The following MLYCD variants were observed in gnomAD, a reference collection of about 807,000 sequenced individuals.
The protein encoded by MLYCD is malonyl-CoA decarboxylase, mitochondrial.
Under a neutral mutation model 35.8 loss-of-function variants are expected in MLYCD, and 27 were observed. The ratio of observed to expected loss-of-function variants is 0.75; its 90% confidence interval spans 0.56 to 1.04. The LOEUF (loss-of-function observed/expected upper bound fraction) is 1.04, where lower values mean the gene tolerates loss of function less well. MLYCD is among the 50% of genes least tolerant of loss of function. The probability of loss-of-function intolerance (pLI) is 0.00; values close to 1 mark genes in which losing one functional copy is unlikely to be tolerated. For synonymous variants in MLYCD, 403 were observed against 302.4 expected (o/e 1.33, Z -3.45); for missense variants, 917 against 665.1 (o/e 1.38, Z -4.17).
rs375981938 is a variant in MLYCD at position 83,915,295 on chromosome 16, C to G, written c.1288C>G (p.Leu430Val). 6.2e-7 allele frequency: 1 copy of G among 1,613,728 alleles called. No homozygotes were observed. Among genetic ancestry groups the G allele is most frequent in the Non-Finnish European group, 8.5e-7 (1 of 1,179,696 alleles). ...ANFHLQNGAV[L>V]WRINWMADVS... Reference sequence around the variant, plus strand: ...CTTCCACCTGCAGAACGGGGCGGTGCTGTGGCGCATCAACTGGATGGCGGA... The same window carrying G: ...CTTCCACCTGCAGAACGGGGCGGTGGTGTGGCGCATCAACTGGATGGCGGA... The change falls in exon 5 of 5, where the codon CTG becomes GTG. Residue 430 changes from leucine (L) to valine (V), a missense_variant. Physicochemically the swap from Leu to Val is conservative, Grantham distance 32. Coordinates refer to ENST00000262430, the MANE Select transcript of MLYCD (RefSeq NM_012213.3).
rs577373250 is a variant in MLYCD, at chr16:83,917,028, G to A, written c.*1539G>A. 8.0e-6 allele frequency: 1 copy of A among 124,538 alleles called. No individual in the cohort carries two copies. The highest frequency in any genetic ancestry group is 3.1e-5 in the African/African-American group (1 of 32,780). 7.7% of individuals were successfully genotyped at this position (124,538 alleles called of 1,614,324 possible). A position where few individuals can be genotyped will look rare whatever the true frequency, so the allele number is the denominator to read the frequency against. Reference sequence around the variant, plus strand: ...CGTCTCTGTGTGTCAGTGCACGTCTGTGTGCGTGTGCACAAGCGTCTCTGT... The same window carrying A: ...CGTCTCTGTGTGTCAGTGCACGTCTATGTGCGTGTGCACAAGCGTCTCTGT... On this transcript the variant is annotated 3_prime_UTR_variant, in exon 5 of 5. Transcript: ENST00000262430.
At chr16:83,903,919 T>G (rs1906884262) in intron 1 of MLYCD, among the ~76,000 whole-genome samples, 1 of 152,220 alleles carries the variant, frequency 6.6e-6, no homozygotes, top group Admixed American at 6.5e-5. Context: ...GAGGCCTCTT[T>G]CCCTGGTGGT....
At chr16:83,909,047 C>T (rs1317373578) in intron 3 of MLYCD, among the ~76,000 whole-genome samples, 1 of 152,068 alleles carries the variant, frequency 6.6e-6, no homozygotes, top group Non-Finnish European at 1.5e-5. Flanking sequence ...CTGAGTAGGG[C>T]AAATGAGCAG....
At chr16:83,913,389 G>T (rs1374644586) in intron 4 of MLYCD, 2 of 152,492 alleles carry the variant, frequency 1.3e-5, no homozygotes, top group Non-Finnish European at 2.9e-5. Flanking sequence ...AGCAGATCCC[G>T]GGATTCGGGG....
rs1907573404 is a variant in MLYCD at position 83,919,521 on chromosome 16, G to GAGAACACACAGT, written c.*4032_*4033insAGAACACACAGT. On this transcript the variant is annotated 3_prime_UTR_variant, in exon 5 of 5. Coordinates refer to ENST00000262430, the MANE Select transcript of MLYCD (RefSeq NM_012213.3). ...AACACACAGTGCACAGAACACACAG[G>GAGAACACACAGT]GCACAGGAGAACACACAGTGCACAG... 2 of 136,310 alleles carry GAGAACACACAGT rather than the reference G, an allele frequency of 1.5e-5. No individual in the cohort carries two copies. Among genetic ancestry groups the GAGAACACACAGT allele is most frequent in the African/African-American group, 5.7e-5 (2 of 35,344 alleles). The allele number at this position is 136,310 out of a possible 1,614,324, so 8.4% of individuals were successfully genotyped here.
chr16:83,913,616 G>T (rs146686561), intron 4 of MLYCD: 1 of 152,190 alleles, frequency 6.6e-6, no homozygotes, highest in Non-Finnish European at 1.5e-5. Context: ...TCAGGAGTTC[G>T]AGACTAGCCT....
At chr16:83,899,815 C>T in intron 1 of MLYCD, 143 bp downstream of exon 1, 1 of 1,047,798 alleles carries the variant, frequency 9.5e-7, no homozygotes, top group Non-Finnish European at 1.3e-6. Flanking sequence ...CGCCTGCCAA[C>T]TGTGTCCCCT....
intron 1 of MLYCD, among the ~76,000 whole-genome samples, chr16:83,902,466 A>G (rs1010844108): frequency 2.7e-5 from 4 of 149,658 alleles, no homozygotes; most frequent in Non-Finnish European, 5.9e-5. Flanking sequence ...CACCAGAATC[A>G]CTTAATGTGG....
At chr16:83,911,128 C>T (rs1439308529) in intron 3 of MLYCD, among the ~76,000 whole-genome samples, 1 of 152,174 alleles carries the variant, frequency 6.6e-6, no homozygotes, top group African/African-American at 2.4e-5. Flanking sequence ...AGGCACCTGC[C>T]ACCATGCCCG....
rs779357024 is a variant in MLYCD at position 83,921,885 on chromosome 16, C to T, written c.*6396C>T. On this transcript the variant is annotated 3_prime_UTR_variant, in exon 5 of 5. Coordinates refer to ENST00000262430, the MANE Select transcript of MLYCD (RefSeq NM_012213.3). The stretch of plus-strand genomic sequence containing the variant: ...AGGCTACTCACTGGGTCCTAGTGTT[C>T]TGAACTACACCCTACAGGAAAGTGC... 6.6e-6 allele frequency: 1 copy of T among 152,240 alleles called. No homozygotes were observed. The highest frequency in any genetic ancestry group is 6.5e-5 in the Admixed American group (1 of 15,284). 9.4% of individuals were successfully genotyped at this position (152,240 alleles called of 1,614,324 possible).
At chr16:83,906,637 C>G (rs1459834683) in intron 1 of MLYCD, among the ~76,000 whole-genome samples, 2 of 152,160 alleles carry the variant, frequency 1.3e-5, no homozygotes, top group African/African-American at 4.8e-5. Context: ...TACAGTGCAT[C>G]TTTCATTGTT....
At position 83,926,114 on chromosome 16, in the gene MLYCD, G is replaced by T. The variant is rs1216726848; in HGVS notation, c.*10625G>T. 6.6e-6 allele frequency: 1 copy of T among 152,338 alleles called. No homozygotes were observed. The highest frequency in any genetic ancestry group is 1.5e-5 in the Non-Finnish European group (1 of 68,110). The allele number at this position is 152,338 out of a possible 1,614,324, so 9.4% of individuals were successfully genotyped here. On this transcript the variant is annotated 3_prime_UTR_variant, in exon 5 of 5. Coordinates refer to ENST00000262430, the MANE Select transcript of MLYCD (RefSeq NM_012213.3). ...TACACTCCTTGCCCAGGGTTCCACA[G>T]CCCCTTAAAGGCAGGGTCTTTCTGG...
At chr16:83,912,508 G>A in intron 4 of MLYCD, 141 bp downstream of exon 4, 1 of 1,181,742 alleles carries the variant, frequency 8.5e-7, no homozygotes, top group Middle Eastern at 2.7e-4. Context: ...AAAGGTGCCA[G>A]AGACCCCTTG....
At chr16:83,905,204 CAG>C (rs1906932663) in intron 1 of MLYCD, among the ~76,000 whole-genome samples, 1 of 150,616 alleles carries the variant, frequency 6.6e-6, no homozygotes, top group African/African-American at 2.5e-5. Context: ...GCCTGGGTGA[CAG>C]AGGAAGACTC....
intron 1 of MLYCD, among the ~76,000 whole-genome samples, chr16:83,903,356 T>G (rs979466998): frequency 6.6e-6 from 1 of 152,198 alleles, no homozygotes; most frequent in African/African-American, 2.4e-5. Flanking sequence ...TAAATAATAC[T>G]TATTTTTAGA....
rs1475536262 is a variant in MLYCD, at chr16:83,918,793, G to C, written c.*3304G>C. On this transcript the variant is annotated 3_prime_UTR_variant, in exon 5 of 5. Transcript: ENST00000262430. ...ACAGAGAACCACACAGTGCACAGGA[G>C]AATACGCACACACAGTGCACAGAAC... The C allele has an allele frequency of 3.4e-5, 5 of 146,596 alleles. No individual in the cohort carries two copies. The highest frequency in any genetic ancestry group is 1.3e-4 in the African/African-American group (5 of 39,040). 9.1% of individuals were successfully genotyped at this position (146,596 alleles called of 1,614,324 possible).
chr16:83,911,357 C>T (rs1206172716), intron 3 of MLYCD, among the ~76,000 whole-genome samples: 3 of 152,236 alleles, frequency 2.0e-5, no homozygotes, highest in African/African-American at 7.2e-5. Context: ...GCTAAACGCT[C>T]CTACTTCCAG....
intron 4 of MLYCD, chr16:83,913,642 A>T (rs190510483): frequency 1.3e-5 from 2 of 152,018 alleles, no homozygotes; most frequent in Non-Finnish European, 2.9e-5. Flanking sequence ...ACGTGGTGAA[A>T]CCCCGTCTCT....
chr16:83,915,486 C>T lies in MLYCD; in HGVS notation c.1479C>T (p.Leu493=). Reference sequence around the variant, plus strand: ...CCCAGTTTCAAAAGAACAGCAAGCTCTGACAGTAAACCTCTCCTAAAGCAC... The same window carrying T: ...CCCAGTTTCAAAAGAACAGCAAGCTTTGACAGTAAACCTCTCCTAAAGCAC... The part of the protein sequence containing the change: ...LVAQFQKNSK[L] The change falls in exon 5 of 5, where the codon CTC becomes CTT. Residue 493 remains leucine, a synonymous_variant. Transcript: ENST00000262430. 1 of 1,610,878 alleles carries T rather than the reference C, an allele frequency of 6.2e-7. No individual in the cohort carries two copies. Among genetic ancestry groups the T allele is most frequent in the Non-Finnish European group, 8.5e-7 (1 of 1,179,984 alleles).
Sources: allele counts gnomAD v4.1 joint callset (sites outside exome capture counted in the v4.1 genomes callset), GRCh38; gene constraint gnomAD v4.1.1; transcripts MANE v1.5; gene names NCBI Gene and HGNC (gene_info 2026-07-23, HGNC 2026-07-21).